The following PRKG1 variants were observed in gnomAD, a reference collection of about 807,000 sequenced individuals.
The protein encoded by PRKG1 is cGMP-dependent protein kinase 1.
A neutral mutation model predicts 88.1 loss-of-function variants in PRKG1; 35 were observed. That is an observed-to-expected ratio of 0.40 (90% CI 0.30 to 0.53). The LOEUF is 0.53. Among genes scored for constraint, PRKG1 ranks in the 20% least tolerant of loss-of-function variants. The pLI, the probability that PRKG1 is intolerant of heterozygous loss-of-function variation, is 0.59. For missense variants in PRKG1, 540 were observed against 839.8 expected, an observed-to-expected ratio of 0.64 and a Z score of 4.41; for synonymous variants, 303 against 292.5, an observed-to-expected ratio of 1.04 and a Z score of -0.37.
chr10:51,278,801 C>A (rs1310023353), intron 2 of PRKG1, among the ~76,000 whole-genome samples: 1 of 152,010 alleles, frequency 6.6e-6, no homozygotes, highest in Non-Finnish European at 1.5e-5. Flanking sequence ...GTGGTGATAT[C>A]CCCTTTATCA....
At chr10:51,940,482 A>G (rs1161414479) in intron 5 of PRKG1, among the ~76,000 whole-genome samples, 1 of 151,906 alleles carries the variant, frequency 6.6e-6, no homozygotes, top group Non-Finnish European at 1.5e-5. Flanking sequence ...GCCTCTGTTT[A>G]TAGCTCTTGC....
Position 52,037,215 on chromosome 10 carries a change from C to A in PRKG1, c.763-17269C>A, listed in dbSNP as rs1051070098. Reference sequence around the variant, plus strand: ...ATTCCTTGGCCCAGTGGCCAGATTTCTGGCACATGTAGCAAGCTCCTGTGG... The same window carrying A: ...ATTCCTTGGCCCAGTGGCCAGATTTATGGCACATGTAGCAAGCTCCTGTGG... On this transcript the variant is annotated intron_variant, in intron 5 of 17. Coordinates refer to ENST00000373980, the MANE Select transcript of PRKG1 (RefSeq NM_006258.4). Among the ~76,000 whole-genome samples the A allele has an allele frequency of 5.9e-5, 9 of 152,320 alleles. No homozygotes were observed. In the South Asian group the frequency reaches 1.4e-3, roughly 25 times the overall value.
At chr10:51,455,835 T>A (rs979969608) in intron 2 of PRKG1, among the ~76,000 whole-genome samples, 3 of 152,168 alleles carry the variant, frequency 2.0e-5, no homozygotes, top group Non-Finnish European at 4.4e-5. Flanking sequence ...CTCTAGGAAG[T>A]TCCAAACTTT....
chr10:51,088,966 T>C lies in PRKG1; in HGVS notation c.311+14065T>C, dbSNP rs1488402935. ...AAGCATGTTTGGTATTGCATTTGGA[T>C]GCTTTGGCATGCCTTTGTGGATTGC... On this transcript the variant is annotated intron_variant, in intron 1 of 17. Transcript: ENST00000373980. Among the ~76,000 whole-genome samples the C allele has an allele frequency of 1.1e-4, 17 of 152,290 alleles. No individual in the cohort carries two copies. The East Asian group carries it at 3.1e-3, about 28-fold the overall frequency.
intron 1 of PRKG1, among the ~76,000 whole-genome samples, chr10:51,122,867 T>C (rs1845297967): frequency 6.6e-6 from 1 of 152,198 alleles, no homozygotes. Context: ...TATCTTCCTG[T>C]CTCAGTAAAT....
chr10:51,315,491 A>T (rs1170639277), intron 2 of PRKG1, among the ~76,000 whole-genome samples: 2 of 152,180 alleles, frequency 1.3e-5, no homozygotes, highest in Non-Finnish European at 2.9e-5. Flanking sequence ...GGAAGGTAGG[A>T]CATCTTGAAT....
At chr10:51,669,564 C>T (rs546363912) in intron 3 of PRKG1, among the ~76,000 whole-genome samples, 4 of 152,240 alleles carry the variant, frequency 2.6e-5, no homozygotes, top group African/African-American at 7.2e-5. Flanking sequence ...AGCACTGTTA[C>T]TGTGTACTTT....
At chr10:51,464,324 A>G (rs1403369883) in intron 2 of PRKG1, among the ~76,000 whole-genome samples, 1 of 152,042 alleles carries the variant, frequency 6.6e-6, no homozygotes, top group Non-Finnish European at 1.5e-5. Flanking sequence ...CTCATCTATC[A>G]TATGACATCA....
chr10:51,588,165 T>C (rs1838218942), intron 3 of PRKG1, among the ~76,000 whole-genome samples: 1 of 152,198 alleles, frequency 6.6e-6, no homozygotes, highest in Non-Finnish European at 1.5e-5. Context: ...ACATTTTGAA[T>C]CCTAATGTAT....
intron 4 of PRKG1, among the ~76,000 whole-genome samples, chr10:51,904,327 T>C (rs987046865): frequency 4.6e-5 from 7 of 152,178 alleles, no homozygotes; most frequent in African/African-American, 1.7e-4. Flanking sequence ...TTCAGTTTTC[T>C]AAAGGATAGA....
chr10:51,145,106 G>A (rs922121681), intron 1 of PRKG1, among the ~76,000 whole-genome samples: 1 of 152,166 alleles, frequency 6.6e-6, no homozygotes, highest in African/African-American at 2.4e-5. Context: ...ATTACAACAT[G>A]TAACACATAG....
chr10:52,078,300 ATTTTAAAATAACCACTAATTAT>A (rs2133299046), intron 7 of PRKG1, among the ~76,000 whole-genome samples: 1 of 152,336 alleles, frequency 6.6e-6, no homozygotes, highest in African/African-American at 2.4e-5. Flanking sequence ...AATTGATAAA[ATTTTAAAATAACCACTAATTAT>A]TTTTAAAATA....
chr10:52,238,384 A>G (rs1384679929), intron 9 of PRKG1, among the ~76,000 whole-genome samples: 5 of 146,486 alleles, frequency 3.4e-5, no homozygotes, highest in African/African-American at 1.3e-4. Context: ...TGAACAGGCA[A>G]CCTACAAAAT....
At chr10:51,881,081 C>T (rs912904185) in intron 4 of PRKG1, among the ~76,000 whole-genome samples, 11 of 151,928 alleles carry the variant, frequency 7.2e-5, no homozygotes, top group Non-Finnish European at 1.3e-4. Flanking sequence ...AAGCATAGTT[C>T]AGGTAAAGAG....
intron 2 of PRKG1, among the ~76,000 whole-genome samples, chr10:51,221,500 A>G (rs965536115): frequency 4.6e-5 from 7 of 152,114 alleles, no homozygotes; most frequent in Admixed American, 3.3e-4. Flanking sequence ...AACAGTTAAC[A>G]CTAAATTTTA....
intron 1 of PRKG1, among the ~76,000 whole-genome samples, chr10:51,117,612 T>C (rs1432872475): frequency 2.0e-5 from 3 of 152,212 alleles, no homozygotes; most frequent in Non-Finnish European, 4.4e-5. Context: ...TTATGTAATT[T>C]CCACAACAAT....
At chr10:51,053,276 C>T (rs1229026095) in intron 1 of PRKG1, among the ~76,000 whole-genome samples, 1 of 151,758 alleles carries the variant, frequency 6.6e-6, no homozygotes, top group South Asian at 2.1e-4. Context: ...CATTTTCCAC[C>T]GCCACCTCAT....
At chr10:51,293,379 C>T (rs890317183) in intron 2 of PRKG1, among the ~76,000 whole-genome samples, 1 of 152,112 alleles carries the variant, frequency 6.6e-6, no homozygotes, top group African/African-American at 2.4e-5. Flanking sequence ...TTCATTTCCC[C>T]CTGTTAACCA....
chr10:51,756,632 G>A (rs1453185901), intron 3 of PRKG1, among the ~76,000 whole-genome samples: 3 of 151,866 alleles, frequency 2.0e-5, no homozygotes, highest in Admixed American at 6.6e-5. Context: ...TGGCTAACAC[G>A]GTGAAACCCC....
Sources: allele counts gnomAD v4.1 joint callset (sites outside exome capture counted in the v4.1 genomes callset), GRCh38; gene constraint gnomAD v4.1.1; transcripts MANE v1.5; gene names NCBI Gene and HGNC (gene_info 2026-07-23, HGNC 2026-07-21).